The following PPM1H variants were observed in gnomAD, a reference collection of about 807,000 sequenced individuals.
The protein encoded by PPM1H is protein phosphatase, Mg2+/Mn2+ dependent 1H, also known as protein phosphatase 1H.
PPM1H carries 27 observed loss-of-function variants against 54.9 expected under a neutral mutation model. The observed-to-expected ratio is 0.49, with a 90% CI of 0.36 to 0.68. The LOEUF (loss-of-function observed/expected upper bound fraction) is 0.68, where lower values mean the gene tolerates loss of function less well. Ranked by LOEUF, PPM1H falls within the 30% of genes least tolerant of loss-of-function variation. PPM1H has a pLI of 0.00. For synonymous variants in PPM1H, 305 were observed against 270.8 expected (o/e 1.13, Z -1.24); for missense variants, 596 against 667.8 (o/e 0.89, Z 1.19).
chr12:62,827,661 A>C (rs1240347617), intron 2 of PPM1H, among the ~76,000 whole-genome samples: 1 of 152,194 alleles, frequency 6.6e-6, no homozygotes, highest in Non-Finnish European at 1.5e-5. Flanking sequence ...ATGTGCTCTC[A>C]TGCCAACCTG....
In PPM1H at chr12:62,806,833, G is replaced by T. The variant is rs1224828496; in HGVS notation, c.412-4673C>A. On this transcript the variant is annotated intron_variant, in intron 2 of 9. Transcript: ENST00000228705. The stretch of plus-strand genomic sequence containing the variant: ...CAGGTATTTCTTTAGAGAAGTGAGA[G>T]AACATACTAAGACACTGATCAAATA... Among the ~76,000 whole-genome samples the T allele has an allele frequency of 3.3e-5, 5 of 152,166 alleles. No individual in the cohort carries two copies. In the East Asian group the frequency reaches 9.6e-4, roughly 29 times the overall value.
At chr12:62,675,788 C>T (rs1023524010) in intron 8 of PPM1H, among the ~76,000 whole-genome samples, 1 of 152,190 alleles carries the variant, frequency 6.6e-6, no homozygotes, top group East Asian at 1.9e-4. Context: ...TCACAGGACT[C>T]TTCACCACAG....
intron 2 of PPM1H, among the ~76,000 whole-genome samples, chr12:62,830,455 C>T (rs1868339901): frequency 6.6e-6 from 1 of 152,222 alleles, no homozygotes; most frequent in African/African-American, 2.4e-5. Flanking sequence ...CAGGGTGTCA[C>T]TGTGTTAGCC....
At chr12:62,694,265 T>C (rs1212779094) in intron 6 of PPM1H, among the ~76,000 whole-genome samples, 1 of 152,238 alleles carries the variant, frequency 6.6e-6, no homozygotes, top group Non-Finnish European at 1.5e-5. Context: ...GATGGGTTTC[T>C]GGCCTTAGGG....
chr12:62,833,410 A>G (rs773840271), intron 1 of PPM1H, among the ~76,000 whole-genome samples: 10 of 152,218 alleles, frequency 6.6e-5, no homozygotes, highest in Non-Finnish European at 1.5e-4. Context: ...TTGCAAAAAT[A>G]GTACAGAGTC....
chr12:62,804,278 G>A lies in PPM1H; in HGVS notation c.412-2118C>T, dbSNP rs564949205. ...TTGAAATGGGAGAATCCCTTGAATC[G>A]AGGAGAAGGAGGCTGCAACAGGCCA... On this transcript the variant is annotated intron_variant, in intron 2 of 9. Transcript: ENST00000228705. 8.0e-5 allele frequency among the ~76,000 whole-genome samples: 12 copies of A among 149,580 alleles called. 1 individual carries two copies. The highest frequency in any genetic ancestry group is 4.2e-4 in the South Asian group (2 of 4,746).
chr12:62,868,603 A>G (rs938914315), intron 1 of PPM1H, among the ~76,000 whole-genome samples: 2 of 152,142 alleles, frequency 1.3e-5, no homozygotes, highest in Admixed American at 1.3e-4. Context: ...CTCAAATTTT[A>G]ATTTTTACTT....
intron 1 of PPM1H, among the ~76,000 whole-genome samples, chr12:62,853,388 A>G (rs1010710524): frequency 6.6e-6 from 1 of 152,260 alleles, no homozygotes; most frequent in Non-Finnish European, 1.5e-5. Context: ...AAGAATCTAC[A>G]TCTTGCTTTA....
intron 4 of PPM1H, among the ~76,000 whole-genome samples, chr12:62,756,682 A>G (rs576021894): frequency 1.3e-5 from 2 of 152,060 alleles, no homozygotes; most frequent in South Asian, 4.2e-4. Context: ...ACTTACTGAG[A>G]AATACAAGGA....
chr12:62,870,284 G>A lies in PPM1H; in HGVS notation c.246-38005C>T, dbSNP rs888161401. ...TGACGAAATTGTGCACTAGTGAAAA[G>A]GGATGGAGCCAGGGCCTTGCAGCTC... On this transcript the variant is annotated intron_variant, in intron 1 of 9. Coordinates refer to ENST00000228705, the MANE Select transcript of PPM1H (RefSeq NM_020700.2). 2.0e-5 allele frequency among the ~76,000 whole-genome samples: 3 copies of A among 152,280 alleles called. No homozygotes were observed. In the South Asian group the frequency reaches 6.2e-4, roughly 32 times the overall value.
chr12:62,734,429 G>A (rs2120515199), intron 5 of PPM1H, among the ~76,000 whole-genome samples: 1 of 152,314 alleles, frequency 6.6e-6, no homozygotes, highest in East Asian at 1.9e-4. Context: ...TCCTTACACA[G>A]ACTTCTGAAG....
intron 2 of PPM1H, among the ~76,000 whole-genome samples, chr12:62,818,028 C>T (rs1226959005): frequency 2.0e-5 from 3 of 152,214 alleles, no homozygotes; most frequent in Admixed American, 1.3e-4. Flanking sequence ...AGGAAGTAGA[C>T]TTGGAATGCA....
chr12:62,725,760 A>G (rs188410664), intron 5 of PPM1H, among the ~76,000 whole-genome samples: 22 of 152,258 alleles, frequency 1.4e-4, no homozygotes, highest in African/African-American at 4.1e-4. Context: ...TGATGTTCAC[A>G]TATGTCCAGG....
At chr12:62,932,805 T>C (rs1409509002) in intron 1 of PPM1H, among the ~76,000 whole-genome samples, 2 of 151,692 alleles carry the variant, frequency 1.3e-5, no homozygotes, top group African/African-American at 4.8e-5. Context: ...CGGCTAATTT[T>C]TGTATTTTTA....
At chr12:62,769,974 G>GATAAT (rs2076568688) in intron 4 of PPM1H, among the ~76,000 whole-genome samples, 1 of 152,104 alleles carries the variant, frequency 6.6e-6, no homozygotes, top group Non-Finnish European at 1.5e-5. Flanking sequence ...CATAAGATAA[G>GATAAT]ATGAACCCAG....
At chr12:62,669,880 G>T (rs1332282077) in intron 8 of PPM1H, among the ~76,000 whole-genome samples, 1 of 151,018 alleles carries the variant, frequency 6.6e-6, no homozygotes, top group Non-Finnish European at 1.5e-5. Context: ...TTGAGGCTGT[G>T]GTGAGCCATG....
At chr12:62,843,731 T>C (rs1203635646) in intron 1 of PPM1H, among the ~76,000 whole-genome samples, 1 of 152,180 alleles carries the variant, frequency 6.6e-6, no homozygotes, top group Non-Finnish European at 1.5e-5. Context: ...TTTTAAAAAG[T>C]ACTTTTTAAA....
intron 1 of PPM1H, among the ~76,000 whole-genome samples, chr12:62,880,905 C>T (rs537340844): frequency 3.3e-4 from 50 of 152,242 alleles, no homozygotes; most frequent in African/African-American, 1.2e-3. Context: ...GTGTCTGCAG[C>T]CCAGACTCCT....
At chr12:62,923,464 C>G (rs1695005) in intron 1 of PPM1H, among the ~76,000 whole-genome samples, 43,730 of 151,880 alleles carry the variant, frequency 0.29, 6,951 homozygotes, top group Admixed American at 0.37. Context: ...TGCAATGGCG[C>G]GATCTCGGCT....
Sources: allele counts gnomAD v4.1 joint callset (sites outside exome capture counted in the v4.1 genomes callset), GRCh38; gene constraint gnomAD v4.1.1; transcripts MANE v1.5; gene names NCBI Gene and HGNC (gene_info 2026-07-23, HGNC 2026-07-21).